RALGPS1: variants seen among roughly 807,000 people sequenced by gnomAD.
RALGPS1 encodes the protein ras-specific guanine nucleotide-releasing factor RalGPS1.
A neutral mutation model predicts 78.8 loss-of-function variants in RALGPS1; 19 were observed. The ratio of observed to expected loss-of-function variants is 0.24; its 90% CI spans 0.17 to 0.35. The LOEUF (loss-of-function observed/expected upper bound fraction) is 0.35, where lower values mean the gene tolerates loss of function less well. RALGPS1 is among the 10% of genes least tolerant of loss of function. RALGPS1 has a pLI of 1.00. For missense variants in RALGPS1, 454 were observed against 688.3 expected (o/e 0.66, Z 3.81); for synonymous variants, 228 against 256.3 (o/e 0.89, Z 1.06).
chr9:127,208,743 C>G (rs1303008067), intron 14 of RALGPS1, among the ~76,000 whole-genome samples: 1 of 152,186 alleles, frequency 6.6e-6, no homozygotes, highest in East Asian at 1.9e-4. Flanking sequence ...TGAGGAAAGG[C>G]TGCTTACGAG....
chr9:127,186,483 G>C (rs1341166867), intron 11 of RALGPS1, among the ~76,000 whole-genome samples: 1 of 152,212 alleles, frequency 6.6e-6, no homozygotes, highest in South Asian at 2.1e-4. Context: ...CAGCCACCCA[G>C]CTCACAAGCG....
intron 5 of RALGPS1, among the ~76,000 whole-genome samples, chr9:127,043,046 C>G (rs1217306981): frequency 2.0e-5 from 3 of 152,146 alleles, no homozygotes; most frequent in African/African-American, 7.2e-5. Context: ...GAGAAATACT[C>G]CATCTTCATG....
chr9:127,029,983 TAA>T (rs1234895621), intron 4 of RALGPS1, among the ~76,000 whole-genome samples: 1 of 152,234 alleles, frequency 6.6e-6, no homozygotes, highest in Non-Finnish European at 1.5e-5. Flanking sequence ...GTATTAAGAC[TAA>T]GTTTTTTTGC....
intron 8 of RALGPS1, among the ~76,000 whole-genome samples, chr9:127,159,480 T>A (rs2058894806): frequency 6.6e-6 from 1 of 152,196 alleles, no homozygotes; most frequent in African/African-American, 2.4e-5. Context: ...TCTGACCACC[T>A]GCCATGTGAC....
chr9:127,043,686 A>G (rs2047513939), intron 5 of RALGPS1, among the ~76,000 whole-genome samples: 1 of 152,220 alleles, frequency 6.6e-6, no homozygotes, highest in Non-Finnish European at 1.5e-5. Context: ...AGATTGGGAG[A>G]AAATATTTGC....
chr9:127,109,736 C>T (rs2054611438), intron 8 of RALGPS1, among the ~76,000 whole-genome samples: 2 of 152,348 alleles, frequency 1.3e-5, no homozygotes, highest in South Asian at 2.1e-4. Flanking sequence ...TGGAGCCAGT[C>T]CCTGCCCTCA....
intron 8 of RALGPS1, among the ~76,000 whole-genome samples, chr9:127,082,240 A>AG (rs993203918): frequency 2.0e-4 from 30 of 152,302 alleles, no homozygotes; most frequent in African/African-American, 6.3e-4. Flanking sequence ...GTAGCAAAGC[A>AG]GGGGGGCTGA....
At chr9:127,048,439 C>T (rs549196187) in intron 5 of RALGPS1, among the ~76,000 whole-genome samples, 7 of 152,158 alleles carry the variant, frequency 4.6e-5, no homozygotes, top group South Asian at 4.1e-4. Context: ...TCTAATACAG[C>T]GATTCCTTAA....
At chr9:127,103,411 C>T (rs74514309) in intron 8 of RALGPS1, among the ~76,000 whole-genome samples, 4,938 of 152,316 alleles carry the variant, frequency 0.032, 128 homozygotes, top group Non-Finnish European at 0.051. Context: ...GTCATGTCTA[C>T]TGACATTTAT....
chr9:127,166,283 A>T, intron 9 of RALGPS1, 77 bp downstream of exon 9: 1 of 1,533,948 alleles, frequency 6.5e-7, no homozygotes, highest in Non-Finnish European at 8.9e-7. Flanking sequence ...AAGCTCTAGA[A>T]ACCTTTCAAA....
intron 4 of RALGPS1, among the ~76,000 whole-genome samples, chr9:127,005,816 T>C (rs1039881106): frequency 6.6e-6 from 1 of 152,212 alleles, no homozygotes; most frequent in South Asian, 2.1e-4. Flanking sequence ...CCATTATAGA[T>C]GTTGCTGAAA....
At chr9:127,176,377 T>C (rs1358527435) in intron 11 of RALGPS1, among the ~76,000 whole-genome samples, 1 of 152,134 alleles carries the variant, frequency 6.6e-6, no homozygotes, top group African/African-American at 2.4e-5. Context: ...TTGCTCCTTT[T>C]AGGTGCGCAG....
At chr9:127,199,143 A>G in intron 14 of RALGPS1, 77 bp downstream of exon 14, 1 of 1,411,006 alleles carries the variant, frequency 7.1e-7, no homozygotes, top group Non-Finnish European at 1.0e-6. Flanking sequence ...GGCCCCGGGC[A>G]GGGACGGGCC....
In RALGPS1 at chr9:127,219,772, C is replaced by T. The variant is rs2062725367; in HGVS notation, c.*1003C>T. On this transcript the variant is annotated 3_prime_UTR_variant, in exon 19 of 19. Transcript: ENST00000259351. This position sits in a 1 kb window ranked among gnomAD's most constrained non-coding sequence, Gnocchi z 5.0. ...CCCCGCAGGGCAAAGCCTGTGCCCC[C>T]ATCATCTCACTCCTTTGCCTGCACT... 6.5e-6 allele frequency: 1 copy of T among 152,792 alleles called. No homozygotes were observed. 9.5% of individuals were successfully genotyped at this position (152,792 alleles called of 1,614,324 possible).
intron 4 of RALGPS1, among the ~76,000 whole-genome samples, chr9:127,013,868 C>T (rs1216759116): frequency 1.3e-5 from 2 of 152,226 alleles, no homozygotes; most frequent in African/African-American, 4.8e-5. Context: ...ATTTTCTGCT[C>T]TCTGCCTGGC....
intron 5 of RALGPS1, among the ~76,000 whole-genome samples, chr9:127,047,468 G>A (rs984489258): frequency 3.3e-5 from 5 of 152,172 alleles, no homozygotes; most frequent in South Asian, 2.1e-4. Flanking sequence ...GGAGGCCGAG[G>A]CAGGTGGATC....
intron 8 of RALGPS1, chr9:127,092,028 A>C (rs1250989950): frequency 5.3e-6 from 8 of 1,515,144 alleles, no homozygotes; most frequent in Admixed American, 1.9e-5. Context: ...CCCTGGATAG[A>C]GGGGCCTGGG....
chr9:127,048,569 T>C (rs896892420), intron 5 of RALGPS1, among the ~76,000 whole-genome samples: 1 of 152,156 alleles, frequency 6.6e-6, no homozygotes, highest in African/African-American at 2.4e-5. Context: ...TGACTCAGAG[T>C]TGCCTCTGCA....
chr9:127,150,591 G>A (rs1431004739), intron 8 of RALGPS1, among the ~76,000 whole-genome samples: 1 of 152,204 alleles, frequency 6.6e-6, no homozygotes, highest in African/African-American at 2.4e-5. Flanking sequence ...CCTGCTTCCT[G>A]CATTTGAGAT....
Sources: allele counts gnomAD v4.1 joint callset (sites outside exome capture counted in the v4.1 genomes callset), GRCh38; gene constraint gnomAD v4.1.1; non-coding constraint Gnocchi (gnomAD v3.1); transcripts MANE v1.5; gene names NCBI Gene and HGNC (gene_info 2026-07-23, HGNC 2026-07-21).